Variants in PLD4 observed in about 807,000 individuals in gnomAD.
PLD4 encodes phospholipase D family member 4, also known as 5'-3' exonuclease PLD4.
In PLD4, 54 loss-of-function variants were observed where a neutral mutation model predicts 52.3. The ratio of observed to expected loss-of-function variants is 1.03; its 90% confidence interval spans 0.83 to 1.30. PLD4 has a LOEUF of 1.30. PLD4 is among the 50% of genes most tolerant of loss of function. The pLI is 0.00. For synonymous variants in PLD4, 264 were observed against 286.5 expected (o/e 0.92, Z 0.79); for missense variants, 731 against 671.1 (o/e 1.09, Z -0.99).
In PLD4 at chr14:104,932,278, T is replaced by G. The variant is rs545456164; in HGVS notation, c.1244T>G (p.Val415Gly). 10 of 1,612,686 alleles carry G rather than the reference T, an allele frequency of 6.2e-6. No homozygotes were observed. The East Asian group carries it at 2.0e-4, about 32-fold the overall frequency. ...SVDVKVFIVPVGNHSNIPFSR... is the reference protein window; with the variant it reads ...SVDVKVFIVPGGNHSNIPFSR... The stretch of plus-strand genomic sequence containing the variant: ...CCTAAGAAAGTCTTCATCGTGCCGG[T>G]GGGGAACCATTCCAACATCCCATTC... The change falls in exon 10 of 11, where the codon GTG becomes GGG. Residue 415 changes from valine to glycine, a missense_variant. Physicochemically the swap from Val to Gly is moderately radical, Grantham distance 109. Coordinates refer to ENST00000392593, the MANE Select transcript of PLD4 (RefSeq NM_138790.5). This position sits in a 1 kb window ranked among gnomAD's most constrained non-coding sequence, Gnocchi z 6.5.
chr14:104,929,345 C>T lies in PLD4; in HGVS notation c.507C>T (p.Gly169=), dbSNP rs1738944809. Residue 169 remains glycine, a synonymous_variant, in exon 5 of 11, where the codon GGC becomes GGT. Coordinates refer to ENST00000392593, the MANE Select transcript of PLD4 (RefSeq NM_138790.5). ...ALLQKLQQLL[G]RNISLAVATS... is the part of the protein sequence containing the mutation. Reference sequence around the variant, plus strand: ...TGCAGAAGCTGCAGCAGCTGCTGGGCAGGAACATTTCCCTGGCTGTGGCCA... The same window carrying T: ...TGCAGAAGCTGCAGCAGCTGCTGGGTAGGAACATTTCCCTGGCTGTGGCCA... 4 of 1,574,894 alleles carry T rather than the reference C, an allele frequency of 2.5e-6. No homozygotes were observed. Among genetic ancestry groups the T allele is most frequent in the Middle Eastern group, 3.3e-4 (2 of 5,974 alleles).
At position 104,932,710 on chromosome 14, in the gene PLD4, T is replaced by C; in HGVS notation, c.1322-55T>C. ...TAGCCGGGCCTGGCGCTGAGCGGGC[T>C]GCAGAGGGGCCTGTGGGAGCCGGCG... is the stretch of plus-strand genomic sequence containing the variant. On this transcript the variant is annotated intron_variant, in intron 10 of 10. Coordinates refer to ENST00000392593, the MANE Select transcript of PLD4 (RefSeq NM_138790.5). The surrounding 1 kb of genome is among the most constrained non-coding windows in gnomAD (Gnocchi z 6.5). The C allele has an allele frequency of 6.9e-7, 1 of 1,453,740 alleles. No individual in the cohort carries two copies. The highest frequency in any genetic ancestry group is 9.2e-7 in the Non-Finnish European group (1 of 1,090,640). The allele number at this position is 1,453,740 out of a possible 1,614,324, so 90.1% of individuals were successfully genotyped here.
In PLD4 at chr14:104,933,165, A is replaced by G; in HGVS notation, c.*201A>G. 1 of 582,160 alleles carries G rather than the reference A, an allele frequency of 1.7e-6. No homozygotes were observed. Among genetic ancestry groups the G allele is most frequent in the Non-Finnish European group, 2.9e-6 (1 of 349,380 alleles). The allele number at this position is 582,160 out of a possible 1,614,324, so 36.1% of individuals were successfully genotyped here. A position where few individuals can be genotyped will look rare whatever the true frequency, so the allele number is the denominator to read the frequency against. On this transcript the variant is annotated 3_prime_UTR_variant, in exon 11 of 11. Transcript: ENST00000392593. ...GCCCCCCCTGAGCCCCACCTCCTCC[A>G]GGGAGCCCTCCAGGAAGCCCCTTCC... is the stretch of plus-strand genomic sequence containing the variant.
intron 6 of PLD4, 59 bp from the exon 7 acceptor site, chr14:104,930,683 G>C: frequency 6.4e-7 from 1 of 1,573,988 alleles, no homozygotes; most frequent in South Asian, 1.1e-5. Flanking sequence ...TGGGTGGAGT[G>C]GGGTGGAGGC....
At position 104,932,295 on chromosome 14, in the gene PLD4, A is replaced by T. The variant is rs768787608; in HGVS notation, c.1261A>T (p.Ile421Phe). The T allele has an allele frequency of 6.2e-7, 1 of 1,612,656 alleles. No individual in the cohort carries two copies. Among genetic ancestry groups the T allele is most frequent in the South Asian group, 1.1e-5 (1 of 91,080 alleles). ...CGTGCCGGTGGGGAACCATTCCAAC[A>T]TCCCATTCAGCAGGGTGAACCACAG... ...FIVPVGNHSN[I>F]PFSRVNHSKF... Residue 421 changes from isoleucine (I) to phenylalanine (F), a missense_variant, in exon 10 of 11, where the codon ATC becomes TTC. Transcript: ENST00000392593. The surrounding 1 kb of genome is among the most constrained non-coding windows in gnomAD (Gnocchi z 6.5).
intron 6 of PLD4, among the ~76,000 whole-genome samples, chr14:104,930,315 A>T (rs570679053): frequency 1.3e-5 from 2 of 152,340 alleles, no homozygotes; most frequent in Admixed American, 6.5e-5. Flanking sequence ...ACATTCAATG[A>T]CATGGAAAGA....
In PLD4 at chr14:104,931,683, G is replaced by C. The variant is rs1012747332; in HGVS notation, c.919-65G>C. ...CATGGGGCCTCTTAGGTGGTGCATG[G>C]TGGGGTCACAAGTTCAGAATGGGCT... On this transcript the variant is annotated intron_variant, in intron 7 of 10. Coordinates refer to ENST00000392593, the MANE Select transcript of PLD4 (RefSeq NM_138790.5). The C allele has an allele frequency of 9.2e-6, 14 of 1,527,218 alleles. No individual in the cohort carries two copies. In the African/African-American group the frequency reaches 1.6e-4, roughly 18 times the overall value. 94.6% of individuals were successfully genotyped at this position (1,527,218 alleles called of 1,614,324 possible). A position where few individuals can be genotyped will look rare whatever the true frequency, so the allele number is the denominator to read the frequency against.
At chr14:104,926,071 T>C (rs1022674294) in intron 1 of PLD4, among the ~76,000 whole-genome samples, 1 of 152,024 alleles carries the variant, frequency 6.6e-6, no homozygotes, top group African/African-American at 2.4e-5. Flanking sequence ...CCCAGAGGCC[T>C]GGAGGCTGAG....
rs1897669559 is a variant in PLD4, at chr14:104,932,091, G to A, written c.1138G>A (p.Gly380Arg). 1.2e-6 allele frequency: 2 copies of A among 1,610,338 alleles called. No individual in the cohort carries two copies. Among genetic ancestry groups the A allele is most frequent in the African/African-American group, 1.3e-5 (1 of 74,888 alleles). ...GCGCGTGCGCCTGCTGGTCGGCTGC[G>A]GACTCAACACGGACCCCACCATGTT... The part of the protein sequence containing the change: ...GVRVRLLVGC[G>R]LNTDPTMFPY... Residue 380 changes from glycine (G) to arginine (R), a missense_variant, in exon 9 of 11, where the codon GGA becomes AGA. Physicochemically the swap from Gly to Arg is moderately radical, Grantham distance 125. Transcript: ENST00000392593. This position sits in a 1 kb window ranked among gnomAD's most constrained non-coding sequence, Gnocchi z 6.5.
chr14:104,926,512 G>A (rs1897460931), intron 1 of PLD4, among the ~76,000 whole-genome samples: 1 of 152,176 alleles, frequency 6.6e-6, no homozygotes, highest in African/African-American at 2.4e-5. Flanking sequence ...CCAGCAGTAG[G>A]GGTCCCACTC....
rs1272106306 is a variant in PLD4 at position 104,933,184 on chromosome 14, C to A, written c.*220C>A. The stretch of plus-strand genomic sequence containing the variant: ...TCCTCCAGGGAGCCCTCCAGGAAGC[C>A]CCTTCCCTGACTCCTGGCCCACAGG... On this transcript the variant is annotated 3_prime_UTR_variant, in exon 11 of 11. Coordinates refer to ENST00000392593, the MANE Select transcript of PLD4 (RefSeq NM_138790.5). 8 of 534,994 alleles carry A rather than the reference C, an allele frequency of 1.5e-5. No individual in the cohort carries two copies. Among genetic ancestry groups the A allele is most frequent in the Admixed American group, 3.7e-5 (1 of 27,144 alleles). The allele number at this position is 534,994 out of a possible 1,614,324, so 33.1% of individuals were successfully genotyped here. A position where few individuals can be genotyped will look rare whatever the true frequency, so the allele number is the denominator to read the frequency against.
intron 7 of PLD4, 113 bp from the exon 8 acceptor site, chr14:104,931,635 C>G (rs1477715121): frequency 5.8e-6 from 8 of 1,388,248 alleles, no homozygotes; most frequent in Non-Finnish European, 7.6e-6. Context: ...TTCCAGGCAC[C>G]TGGGCCCCCT....
chr14:104,933,144 C>A lies in PLD4; in HGVS notation c.*180C>A. 3.0e-6 allele frequency: 2 copies of A among 660,518 alleles called. No homozygotes were observed. The highest frequency in any genetic ancestry group is 4.8e-6 in the Non-Finnish European group (2 of 414,634). 40.9% of individuals were successfully genotyped at this position (660,518 alleles called of 1,614,324 possible). A position where few individuals can be genotyped will look rare whatever the true frequency, so the allele number is the denominator to read the frequency against. ...GCTCTCTGATTTCCGAGTCCAGCCCCCCCTGAGCCCCACCTCCTCCAGGGA... is the reference window on the plus strand; with the variant it reads ...GCTCTCTGATTTCCGAGTCCAGCCCACCCTGAGCCCCACCTCCTCCAGGGA... On this transcript the variant is annotated 3_prime_UTR_variant, in exon 11 of 11. Coordinates refer to ENST00000392593, the MANE Select transcript of PLD4 (RefSeq NM_138790.5).
In PLD4 at chr14:104,930,743, T is replaced by G. The variant is rs1465160555; in HGVS notation, c.719T>G (p.Val240Gly). The G allele has an allele frequency of 1.2e-6, 2 of 1,613,106 alleles. No individual in the cohort carries two copies. Among genetic ancestry groups the G allele is most frequent in the Admixed American group, 3.3e-5 (2 of 60,026 alleles). The part of the protein sequence containing the change: ...ANMDWRSLTQ[V>G]KELGAVIYNC... Reference sequence around the variant, plus strand: ...AGCGCCTGACTTTGGTCCCTGCAGGTGAAGGAGCTTGGCGCTGTCATCTAT... The same window carrying G: ...AGCGCCTGACTTTGGTCCCTGCAGGGGAAGGAGCTTGGCGCTGTCATCTAT... Residue 240 changes from valine (V) to glycine (G), a missense_variant and splice_region_variant, in exon 7 of 11, where the codon GTG (valine) becomes GGG (glycine). Coordinates refer to ENST00000392593, the MANE Select transcript of PLD4 (RefSeq NM_138790.5).
Position 104,927,784 on chromosome 14 carries a change from G to A in PLD4, c.202G>A (p.Val68Met), listed in dbSNP as rs778581131. 1.3e-5 allele frequency: 20 copies of A among 1,599,034 alleles called. No homozygotes were observed. In the African/African-American group the frequency reaches 1.5e-4, roughly 12 times the overall value. Residue 68 changes from valine (V) to methionine (M), a missense_variant, in exon 3 of 11, where the codon GTG becomes ATG. By Grantham distance (21) the Val-to-Met change is conservative. Coordinates refer to ENST00000392593, the MANE Select transcript of PLD4 (RefSeq NM_138790.5). The stretch of plus-strand genomic sequence containing the variant: ...CTGGGGCCAGGTGCAGCCCAAGGAC[G>A]TGCCCAGGTCCTGGGAGCATGGCTC... ...PTWGQVQPKD[V>M]PRSWEHGSSP...
intron 6 of PLD4, 22 bp from the exon 7 acceptor site, chr14:104,930,720 C>T (rs747647855): frequency 1.2e-5 from 19 of 1,612,396 alleles, no homozygotes; most frequent in African/African-American, 2.7e-5. Flanking sequence ...TCTCCCACAG[C>T]GCCTGACTTT....
Position 104,932,927 on chromosome 14 carries a change from G to T in PLD4, c.1484G>T (p.Gly495Val). The T allele has an allele frequency of 6.2e-7, 1 of 1,600,044 alleles. No homozygotes were observed. Among genetic ancestry groups the T allele is most frequent in the East Asian group, 2.3e-5 (1 of 44,366 alleles). Residue 495 changes from glycine to valine, a missense_variant, in exon 11 of 11, where the codon GGA (glycine) becomes GTA (valine). Coordinates refer to ENST00000392593, the MANE Select transcript of PLD4 (RefSeq NM_138790.5). This position sits in a 1 kb window ranked among gnomAD's most constrained non-coding sequence, Gnocchi z 6.5. ...WSSRYAVGLD[G>V]QAPGQDCVWQ... is the part of the protein sequence containing the mutation. The stretch of plus-strand genomic sequence containing the variant: ...TCGCGCTACGCCGTCGGCCTGGACG[G>T]ACAGGCTCCGGGCCAGGACTGCGTT...
chr14:104,931,730 A>G lies in PLD4; in HGVS notation c.919-18A>G. On this transcript the variant is annotated intron_variant, in intron 7 of 10. Transcript: ENST00000392593. ...GGCTGGGCTGGCAGAGCCTTCAGGG[A>G]TTTCTCTCCCGTCACAGGCGTCGCC... The G allele has an allele frequency of 6.3e-7, 1 of 1,576,686 alleles. No homozygotes were observed. The highest frequency in any genetic ancestry group is 8.6e-7 in the Non-Finnish European group (1 of 1,163,222).
At position 104,932,101 on chromosome 14, in the gene PLD4, C is replaced by G; in HGVS notation, c.1148C>G (p.Thr383Arg). The G allele has an allele frequency of 6.8e-6, 11 of 1,610,846 alleles. No individual in the cohort carries two copies. The highest frequency in any genetic ancestry group is 9.3e-6 in the Non-Finnish European group (11 of 1,179,290). Residue 383 changes from threonine (T) to arginine (R), a missense_variant, in exon 9 of 11, where the codon ACG (threonine) becomes AGG (arginine). Physicochemically the swap from Thr to Arg is moderately conservative, Grantham distance 71 (BLOSUM62 -1). Coordinates refer to ENST00000392593, the MANE Select transcript of PLD4 (RefSeq NM_138790.5). The surrounding 1 kb of genome is among the most constrained non-coding windows in gnomAD (Gnocchi z 6.5). ...VRLLVGCGLN[T>R]DPTMFPYLRS... Reference sequence around the variant, plus strand: ...CTGCTGGTCGGCTGCGGACTCAACACGGACCCCACCATGTTCCCCTACCTG... The same window carrying G: ...CTGCTGGTCGGCTGCGGACTCAACAGGGACCCCACCATGTTCCCCTACCTG...
Sources: gnomAD v4.1 joint callset for allele counts (sites outside exome capture counted in the v4.1 genomes callset) on GRCh38, gnomAD v4.1.1 for gene constraint, Gnocchi (gnomAD v3.1) non-coding constraint, MANE v1.5 for transcripts, NCBI Gene and HGNC (gene_info 2026-07-23, HGNC 2026-07-21) for gene names.